The following PIK3C2G variants were observed in gnomAD, a reference collection of about 807,000 sequenced individuals.
PIK3C2G encodes the protein phosphatidylinositol-4-phosphate 3-kinase catalytic subunit type 2 gamma.
A neutral mutation model predicts 181.1 loss-of-function variants in PIK3C2G; 168 were observed. The observed-to-expected ratio is 0.93, with a 90% confidence interval of 0.82 to 1.05. The LOEUF (loss-of-function observed/expected upper bound fraction) is 1.05, where lower values mean the gene tolerates loss of function less well. Among genes scored for constraint, PIK3C2G ranks in the 50% least tolerant of loss-of-function variants. The pLI is 0.00. For synonymous variants in PIK3C2G, 573 were observed against 592.2 expected (o/e 0.97, Z 0.47); for missense variants, 1,869 against 1,732.8 (o/e 1.08, Z -1.40).
Position 18,647,867 on chromosome 12 carries a change from C to T in PIK3C2G, c.4309-9C>T, listed in dbSNP as rs371935530. On this transcript the variant is annotated splice_polypyrimidine_tract_variant and intron_variant, in intron 32 of 32. Coordinates refer to ENST00000538779, the MANE Select transcript of PIK3C2G (RefSeq NM_001288772.2). ...TGATTTATATTTTCATTATTTTCTC[C>T]GTTTTTAGGTAGTATATGATGAAGT... is the stretch of plus-strand genomic sequence containing the variant. 2.2e-5 allele frequency: 32 copies of T among 1,449,370 alleles called. No individual in the cohort carries two copies. Among genetic ancestry groups the T allele is most frequent in the Middle Eastern group, 1.8e-4 (1 of 5,538 alleles). 89.8% of individuals were successfully genotyped at this position (1,449,370 alleles called of 1,614,324 possible).
chr12:18,332,731 C>A lies in PIK3C2G; in HGVS notation c.1273-5695C>A, dbSNP rs751553135. Among the ~76,000 whole-genome samples, 4 of 152,166 alleles carry A rather than the reference C, an allele frequency of 2.6e-5. No homozygotes were observed. The South Asian group carries it at 8.3e-4, about 32-fold the overall frequency. On this transcript the variant is annotated intron_variant, in intron 8 of 32. Transcript: ENST00000538779. ...CAGAAGCAAGGGGTTTTTGCCTGGG[C>A]TCAGGGAAATGCAGGGTTTGCTGCT... is the stretch of plus-strand genomic sequence containing the variant.
At chr12:18,709,514 C>T in the PIK3C2G span, among the ~76,000 whole-genome samples, 1 of 118,426 alleles carries the variant, frequency 8.4e-6, no homozygotes, top group South Asian at 3.3e-4. Context: ...TTTTATCCTT[C>T]TTTACAAATT....
chr12:18,605,040 C>T (rs1219465895), intron 30 of PIK3C2G, among the ~76,000 whole-genome samples: 2 of 151,994 alleles, frequency 1.3e-5, no homozygotes, highest in African/African-American at 4.8e-5. Flanking sequence ...TAACCAAGAT[C>T]AGAGCAGAAC....
the PIK3C2G span, among the ~76,000 whole-genome samples, chr12:18,710,172 T>C: frequency 1.3e-5 from 2 of 148,578 alleles, no homozygotes; most frequent in African/African-American, 5.0e-5. Flanking sequence ...CTCTTTTTCT[T>C]ATCTAGTTGC....
intron 5 of PIK3C2G, among the ~76,000 whole-genome samples, chr12:18,298,411 T>C (rs1429014805): frequency 6.7e-6 from 1 of 150,286 alleles, no homozygotes; most frequent in Non-Finnish European, 1.5e-5. Flanking sequence ...GTTTTTTCTT[T>C]TTTTTTTTTT....
At chr12:18,267,335 G>T (rs1948544718) in intron 1 of PIK3C2G, among the ~76,000 whole-genome samples, 1 of 151,568 alleles carries the variant, frequency 6.6e-6, no homozygotes, top group Non-Finnish European at 1.5e-5. Flanking sequence ...TAATTTTATA[G>T]ATTATTTAAT....
chr12:18,363,109 A>G (rs1172061450), intron 12 of PIK3C2G: 4 of 355,292 alleles, frequency 1.1e-5, no homozygotes, highest in Non-Finnish European at 2.0e-5. Flanking sequence ...CACATTATTG[A>G]ACTGAGAAAA....
At chr12:18,252,792 A>G (rs888217440) in intron 1 of PIK3C2G, among the ~76,000 whole-genome samples, 3 of 152,156 alleles carry the variant, frequency 2.0e-5, no homozygotes, top group Non-Finnish European at 4.4e-5. Context: ...GAAGGCAGAG[A>G]ATTCTTTTAC....
chr12:18,456,018 A>G (rs1192458729), intron 18 of PIK3C2G, among the ~76,000 whole-genome samples: 1 of 152,144 alleles, frequency 6.6e-6, no homozygotes, highest in Non-Finnish European at 1.5e-5. Flanking sequence ...ATTCAGTCCC[A>G]GCAATGTTTG....
intron 1 of PIK3C2G, among the ~76,000 whole-genome samples, chr12:18,269,962 T>G (rs1948678209): frequency 6.8e-6 from 1 of 146,658 alleles, no homozygotes; most frequent in Non-Finnish European, 1.5e-5. Flanking sequence ...CAGGCTGGAG[T>G]GCAGTGGTGA....
intron 31 of PIK3C2G, among the ~76,000 whole-genome samples, chr12:18,624,243 G>A (rs1241334105): frequency 6.6e-6 from 1 of 151,642 alleles, no homozygotes; most frequent in Non-Finnish European, 1.5e-5. Flanking sequence ...TATCATAAAA[G>A]AATGTTGAAT....
chr12:18,514,059 G>C (rs1942378595), intron 24 of PIK3C2G, among the ~76,000 whole-genome samples: 1 of 151,474 alleles, frequency 6.6e-6, no homozygotes, highest in African/African-American at 2.4e-5. Context: ...TTTTATTTTT[G>C]TCTCCATGTA....
chr12:18,307,417 A>C (rs1451320284), intron 5 of PIK3C2G, among the ~76,000 whole-genome samples: 1 of 151,928 alleles, frequency 6.6e-6, no homozygotes, highest in Admixed American at 6.6e-5. Flanking sequence ...CATTCAGTTC[A>C]TTTAACAGCT....
intron 22 of PIK3C2G, among the ~76,000 whole-genome samples, chr12:18,503,006 G>C (rs1279030754): frequency 6.6e-6 from 1 of 152,146 alleles, no homozygotes; most frequent in Non-Finnish European, 1.5e-5. Flanking sequence ...TGGGGTCTCT[G>C]TTCATCATCA....
At chr12:18,331,964 CTT>C (rs1938020044) in intron 8 of PIK3C2G, among the ~76,000 whole-genome samples, 1 of 151,944 alleles carries the variant, frequency 6.6e-6, no homozygotes, top group Non-Finnish European at 1.5e-5. Flanking sequence ...TTTTAAAAAT[CTT>C]TTTATTACTG....
At chr12:18,691,592 TC>T in the PIK3C2G span, among the ~76,000 whole-genome samples, 2 of 152,078 alleles carry the variant, frequency 1.3e-5, no homozygotes, top group South Asian at 4.1e-4. Context: ...GAGAGTCCAG[TC>T]CCAGAGCATA....
intron 1 of PIK3C2G, among the ~76,000 whole-genome samples, chr12:18,267,742 C>T (rs1948565211): frequency 6.6e-6 from 1 of 152,172 alleles, no homozygotes; most frequent in Non-Finnish European, 1.5e-5. Flanking sequence ...GTCCAATTGA[C>T]TATTTTGAGA....
At chr12:18,330,699 G>A (rs563602314) in intron 8 of PIK3C2G, among the ~76,000 whole-genome samples, 1 of 152,106 alleles carries the variant, frequency 6.6e-6, no homozygotes, top group Non-Finnish European at 1.5e-5. Context: ...ATCAATGAGA[G>A]GCCAGGGATG....
chr12:18,243,376 G>A (rs1424966186), upstream of PIK3C2G, among the ~76,000 whole-genome samples: 1 of 151,856 alleles, frequency 6.6e-6, no homozygotes, highest in Non-Finnish European at 1.5e-5. Flanking sequence ...TTAAATTGTT[G>A]GTGATCTTGG....
Sources: allele counts gnomAD v4.1 joint callset (sites outside exome capture counted in the v4.1 genomes callset), GRCh38; gene constraint gnomAD v4.1.1; transcripts MANE v1.5; gene names NCBI Gene and HGNC (gene_info 2026-07-23, HGNC 2026-07-21).